Variants in TNIK observed in about 807,000 individuals in gnomAD.
TNIK encodes TRAF2 and NCK-interacting protein kinase.
Under a neutral mutation model 191.3 loss-of-function variants are expected in TNIK, and 49 were observed. The ratio of observed to expected loss-of-function variants is 0.26; its 90% CI spans 0.20 to 0.32. TNIK has a LOEUF of 0.32. TNIK is among the 10% of genes least tolerant of loss of function. The pLI is 1.00. For synonymous variants in TNIK, 594 were observed against 600.9 expected (o/e 0.99, Z 0.17); for missense variants, 1,155 against 1,702.3 (o/e 0.68, Z 5.66).
At chr3:171,239,673 T>C (rs1744714287) in intron 2 of TNIK, among the ~76,000 whole-genome samples, 1 of 152,252 alleles carries the variant, frequency 6.6e-6, no homozygotes, top group African/African-American at 2.4e-5. Flanking sequence ...TTGTGATTTC[T>C]GAGCAAAGAC....
intron 1 of TNIK, among the ~76,000 whole-genome samples, chr3:171,450,904 T>C (rs1053803597): frequency 2.6e-5 from 4 of 152,234 alleles, no homozygotes; most frequent in Non-Finnish European, 4.4e-5. Context: ...TAGGCTCCAG[T>C]TGGGACAGCC....
intron 12 of TNIK, among the ~76,000 whole-genome samples, chr3:171,143,943 G>C (rs931810258): frequency 1.3e-5 from 2 of 152,140 alleles, no homozygotes; most frequent in African/African-American, 4.8e-5. Flanking sequence ...GAATGTACCT[G>C]TTTGCCATCT....
chr3:171,255,070 G>A (rs927266291), intron 2 of TNIK, among the ~76,000 whole-genome samples: 1 of 152,126 alleles, frequency 6.6e-6, no homozygotes, highest in African/African-American at 2.4e-5. Flanking sequence ...TGCCATCCTA[G>A]CCTCTTCCTC....
At chr3:171,430,255 A>C (rs1361817230) in intron 1 of TNIK, among the ~76,000 whole-genome samples, 1 of 152,196 alleles carries the variant, frequency 6.6e-6, no homozygotes, top group Non-Finnish European at 1.5e-5. Flanking sequence ...CATCAAGTGA[A>C]TTTTACCTCT....
intron 1 of TNIK, among the ~76,000 whole-genome samples, chr3:171,405,651 T>C (rs1407209439): frequency 6.6e-6 from 1 of 152,226 alleles, no homozygotes; most frequent in Non-Finnish European, 1.5e-5. Flanking sequence ...TAGGAGGTTA[T>C]GATGCTTATG....
intron 1 of TNIK, among the ~76,000 whole-genome samples, chr3:171,404,405 G>A (rs1721401914): frequency 6.6e-6 from 1 of 152,046 alleles, no homozygotes; most frequent in Admixed American, 6.5e-5. Flanking sequence ...CCCTATCACT[G>A]CCACTAATTT....
intron 18 of TNIK, among the ~76,000 whole-genome samples, chr3:171,114,602 T>C (rs1376629256): frequency 6.6e-6 from 1 of 152,230 alleles, no homozygotes; most frequent in Non-Finnish European, 1.5e-5. Flanking sequence ...GAAAAACGTA[T>C]GTACAAATAA....
At chr3:171,297,441 C>T (rs899585815) in intron 2 of TNIK, among the ~76,000 whole-genome samples, 1 of 152,132 alleles carries the variant, frequency 6.6e-6, no homozygotes, top group Non-Finnish European at 1.5e-5. Context: ...TGCTGGTTTC[C>T]CTCAAGTGAT....
At chr3:171,145,718 T>C (rs920498035) in intron 12 of TNIK, among the ~76,000 whole-genome samples, 1 of 152,104 alleles carries the variant, frequency 6.6e-6, no homozygotes, top group Non-Finnish European at 1.5e-5. Context: ...TCATTAGAGG[T>C]CTAGTTTTAA....
intron 1 of TNIK, among the ~76,000 whole-genome samples, chr3:171,419,724 C>T (rs370468939): frequency 1.1e-4 from 16 of 152,102 alleles, no homozygotes; most frequent in Admixed American, 1.3e-4. Context: ...GAAAATGAAA[C>T]GAGGTAATGC....
chr3:171,161,456 G>A lies in TNIK; in HGVS notation c.950-120C>T, dbSNP rs538819413. On this transcript the variant is annotated intron_variant, in intron 10 of 32. Coordinates refer to ENST00000436636, the MANE Select transcript of TNIK (RefSeq NM_015028.4). ...AAGAGTTGTAGTTAACACAGCGCTG[G>A]AACGGTCTCCAGGCTTGTGATTTAA... The A allele has an allele frequency of 7.9e-6, 6 of 764,126 alleles. No homozygotes were observed. The South Asian group carries it at 8.1e-5, about 10-fold the overall frequency. 47.3% of individuals were successfully genotyped at this position (764,126 alleles called of 1,614,324 possible).
Position 171,159,144 on chromosome 3 carries a change from G to A in TNIK, c.1017-1480C>T, listed in dbSNP as rs545539606. On this transcript the variant is annotated intron_variant, in intron 11 of 32. Transcript: ENST00000436636. This position sits in a 1 kb window ranked among gnomAD's most constrained non-coding sequence, Gnocchi z 4.1. ...GGTACAGGGGCAAGCACAGCAAGCCGGACTGCTGCTGCAGAGTGGTTCTGG... is the reference window on the plus strand; with the variant it reads ...GGTACAGGGGCAAGCACAGCAAGCCAGACTGCTGCTGCAGAGTGGTTCTGG... Among the ~76,000 whole-genome samples the A allele has an allele frequency of 2.0e-5, 3 of 152,254 alleles. No individual in the cohort carries two copies. The highest frequency in any genetic ancestry group is 4.8e-5 in the African/African-American group (2 of 41,556).
intron 2 of TNIK, among the ~76,000 whole-genome samples, chr3:171,231,582 A>G (rs1430283944): frequency 3.9e-5 from 6 of 151,906 alleles, no homozygotes. Context: ...GAGCTGTCAC[A>G]TTTTGCTGAT....
intron 31 of TNIK, 106 bp downstream of exon 31, chr3:171,066,467 ATTT>A (rs145832204): frequency 3.2e-3 from 4,099 of 1,297,158 alleles, no homozygotes; most frequent in Middle Eastern, 4.6e-3. Flanking sequence ...TTATTCACAG[ATTT>A]TTTTTTTTTT....
intron 22 of TNIK, among the ~76,000 whole-genome samples, chr3:171,097,212 T>C (rs949192544): frequency 6.6e-5 from 10 of 152,200 alleles, no homozygotes; most frequent in Non-Finnish European, 1.3e-4. Context: ...TACAAATGTA[T>C]GAACAACTTC....
rs763007011 is a variant in TNIK, at chr3:171,177,292, A to G, written c.694+34T>C. On this transcript the variant is annotated intron_variant, in intron 8 of 32. Transcript: ENST00000436636. The stretch of plus-strand genomic sequence containing the variant: ...AACTTCAGTACCTGCAGAGCAGACC[A>G]GCAACAGATTTCACCCCAGAGGAGG... The G allele has an allele frequency of 5.6e-6, 9 of 1,594,276 alleles. No individual in the cohort carries two copies. The African/African-American group carries it at 1.2e-4, about 21-fold the overall frequency.
chr3:171,204,859 T>G (rs1242854769), intron 4 of TNIK, among the ~76,000 whole-genome samples: 3 of 152,182 alleles, frequency 2.0e-5, no homozygotes, highest in Non-Finnish European at 2.9e-5. Context: ...GGCTTGATTC[T>G]GGAATCAGAC....
intron 2 of TNIK, among the ~76,000 whole-genome samples, chr3:171,272,996 C>G (rs976930569): frequency 2.0e-5 from 3 of 152,154 alleles, no homozygotes; most frequent in African/African-American, 7.2e-5. Flanking sequence ...TTCAACAGCC[C>G]AACCAGAGAT....
At chr3:171,240,247 G>A (rs1744786814) in intron 2 of TNIK, among the ~76,000 whole-genome samples, 3 of 152,146 alleles carry the variant, frequency 2.0e-5, no homozygotes, top group African/African-American at 7.2e-5. Flanking sequence ...CTCTTCTCGA[G>A]CAGGTATTTC....
Sources: gnomAD v4.1 joint callset for allele counts (sites outside exome capture counted in the v4.1 genomes callset) on GRCh38, gnomAD v4.1.1 for gene constraint, Gnocchi (gnomAD v3.1) non-coding constraint, MANE v1.5 for transcripts, NCBI Gene and HGNC (gene_info 2026-07-23, HGNC 2026-07-21) for gene names.